SPOCK1: variants seen among roughly 807,000 people sequenced by gnomAD.
SPOCK1 encodes testican-1.
SPOCK1 carries 23 observed loss-of-function variants against 55.3 expected under a neutral mutation model. The ratio of observed to expected loss-of-function variants is 0.42; its 90% CI spans 0.30 to 0.59. The LOEUF is 0.59. Among genes scored for constraint, SPOCK1 ranks in the 20% least tolerant of loss-of-function variants. The pLI, the probability that SPOCK1 is intolerant of heterozygous loss-of-function variation, is 0.22. For missense variants in SPOCK1, 499 were observed against 552.5 expected (o/e 0.90, Z 0.97); for synonymous variants, 226 against 221.0 (o/e 1.02, Z -0.20).
intron 4 of SPOCK1, among the ~76,000 whole-genome samples, chr5:137,126,273 A>G (rs897284145): frequency 1.3e-5 from 2 of 152,154 alleles, no homozygotes; most frequent in Non-Finnish European, 2.9e-5. Context: ...CCATGAGTGG[A>G]TGCTTCCTGA....
At chr5:137,220,688 TCTGTTTCGTCAGCAC>T (rs1348424310) in intron 3 of SPOCK1, among the ~76,000 whole-genome samples, 1 of 152,192 alleles carries the variant, frequency 6.6e-6, no homozygotes, top group African/African-American at 2.4e-5. Flanking sequence ...GTCACAGTCA[TCTGTTTCGTCAGCAC>T]CTTAGATAGG....
intron 6 of SPOCK1, among the ~76,000 whole-genome samples, chr5:137,043,066 G>A (rs1286096685): frequency 6.6e-6 from 1 of 152,116 alleles, no homozygotes; most frequent in Non-Finnish European, 1.5e-5. Context: ...TACACAAGAT[G>A]AGCCTGGATA....
intron 2 of SPOCK1, among the ~76,000 whole-genome samples, chr5:137,371,628 C>G (rs1196698950): frequency 6.6e-6 from 1 of 152,118 alleles, no homozygotes; most frequent in African/African-American, 2.4e-5. Flanking sequence ...CAGAGAGCCC[C>G]AAATCATAAA....
In SPOCK1 at chr5:137,250,093, T is replaced by G. The variant is rs187301301; in HGVS notation, c.232+16917A>C. On this transcript the variant is annotated intron_variant, in intron 3 of 10. Coordinates refer to ENST00000394945, the MANE Select transcript of SPOCK1 (RefSeq NM_004598.4). ...TTACATTTTAAAGTAGGTGAAAAACTTAAAACAATATTTCATAACACATGA... is the reference window on the plus strand; with the variant it reads ...TTACATTTTAAAGTAGGTGAAAAACGTAAAACAATATTTCATAACACATGA... Among the ~76,000 whole-genome samples the G allele has an allele frequency of 2.0e-4, 31 of 152,310 alleles. No homozygotes were observed. The East Asian group carries it at 5.4e-3, about 27-fold the overall frequency.
At chr5:137,242,307 G>A (rs1299758389) in intron 3 of SPOCK1, among the ~76,000 whole-genome samples, 1 of 152,124 alleles carries the variant, frequency 6.6e-6, no homozygotes, top group Non-Finnish European at 1.5e-5. Context: ...CATGAGGGTG[G>A]GGTTTTTGCT....
At chr5:137,482,688 G>A (rs1002713374) in intron 2 of SPOCK1, among the ~76,000 whole-genome samples, 6 of 152,188 alleles carry the variant, frequency 3.9e-5, no homozygotes, top group Non-Finnish European at 8.8e-5. Flanking sequence ...CCATGCAGCA[G>A]ATGAAAAAGA....
intron 2 of SPOCK1, among the ~76,000 whole-genome samples, chr5:137,334,415 A>G (rs1750196044): frequency 6.6e-6 from 1 of 152,204 alleles, no homozygotes; most frequent in Admixed American, 6.5e-5. Context: ...TCCGTGCAAG[A>G]AAGTAAATGG....
At chr5:137,198,334 T>C (rs1755344261) in intron 3 of SPOCK1, among the ~76,000 whole-genome samples, 1 of 152,250 alleles carries the variant, frequency 6.6e-6, no homozygotes, top group Non-Finnish European at 1.5e-5. Flanking sequence ...AATTACTGTT[T>C]AACAAAACAT....
intron 2 of SPOCK1, among the ~76,000 whole-genome samples, chr5:137,388,056 C>A (rs1013449937): frequency 6.6e-6 from 1 of 152,098 alleles, no homozygotes; most frequent in Non-Finnish European, 1.5e-5. Flanking sequence ...TGAACTAAGT[C>A]CTACCTTGTC....
At chr5:137,358,967 C>T (rs541116239) in intron 2 of SPOCK1, among the ~76,000 whole-genome samples, 1 of 152,148 alleles carries the variant, frequency 6.6e-6, no homozygotes, top group African/African-American at 2.4e-5. Context: ...CAGTATAGAA[C>T]AGAGCACAGC....
chr5:137,359,415 T>A (rs761540068), intron 2 of SPOCK1, among the ~76,000 whole-genome samples: 4 of 152,092 alleles, frequency 2.6e-5, no homozygotes, highest in Non-Finnish European at 4.4e-5. Flanking sequence ...ATTAAGAGAG[T>A]TAACACATGT....
At chr5:137,454,695 T>C (rs1753326830) in intron 2 of SPOCK1, among the ~76,000 whole-genome samples, 1 of 152,222 alleles carries the variant, frequency 6.6e-6, no homozygotes, top group Non-Finnish European at 1.5e-5. Context: ...GTTACATGAT[T>C]GGCATGATGA....
intron 2 of SPOCK1, among the ~76,000 whole-genome samples, chr5:137,364,602 A>T (rs1055908728): frequency 1.6e-4 from 24 of 152,188 alleles, no homozygotes; most frequent in Admixed American, 5.2e-4. Context: ...CCCACCTAAG[A>T]CAAGGGCAAT....
chr5:137,254,377 C>T (rs1276119953), intron 3 of SPOCK1, among the ~76,000 whole-genome samples: 1 of 152,092 alleles, frequency 6.6e-6, no homozygotes, highest in East Asian at 1.9e-4. Flanking sequence ...CCAAATTCTT[C>T]CACCATGAGA....
intron 3 of SPOCK1, among the ~76,000 whole-genome samples, chr5:137,169,264 A>G (rs1754703597): frequency 6.6e-6 from 1 of 152,154 alleles, no homozygotes; most frequent in Non-Finnish European, 1.5e-5. Context: ...ATAAGACCTA[A>G]TATTTGCTAG....
intron 2 of SPOCK1, among the ~76,000 whole-genome samples, chr5:137,433,154 T>C (rs1187177277): frequency 6.6e-6 from 1 of 152,106 alleles, no homozygotes; most frequent in Non-Finnish European, 1.5e-5. Flanking sequence ...GCTTTGGGGT[T>C]TGAGGAAAGT....
intron 4 of SPOCK1, among the ~76,000 whole-genome samples, chr5:137,132,262 G>T (rs553167218): frequency 6.6e-6 from 1 of 151,302 alleles, no homozygotes; most frequent in Non-Finnish European, 1.5e-5. Flanking sequence ...TGAATTGCAG[G>T]GGGGCTCAGG....
At chr5:137,017,344 T>C (rs1751466683) in intron 6 of SPOCK1, among the ~76,000 whole-genome samples, 1 of 152,232 alleles carries the variant, frequency 6.6e-6, no homozygotes. Flanking sequence ...AGGCTGGTGT[T>C]CTTGCTTCTT....
At chr5:137,007,092 A>C (rs59205255) in intron 6 of SPOCK1, among the ~76,000 whole-genome samples, 39,864 of 151,970 alleles carry the variant, frequency 0.26, 5,266 homozygotes, top group Non-Finnish European at 0.29. Context: ...AGCCATATGC[A>C]GAAAACTGAA....
Sources: gnomAD v4.1 joint callset for allele counts (sites outside exome capture counted in the v4.1 genomes callset) on GRCh38, gnomAD v4.1.1 for gene constraint, MANE v1.5 for transcripts, NCBI Gene and HGNC (gene_info 2026-07-23, HGNC 2026-07-21) for gene names.